ERC1: variants seen among roughly 807,000 people sequenced by gnomAD.
The protein encoded by ERC1 is RAB6 interacting protein 2.
ERC1 carries 56 observed loss-of-function variants against 132.0 expected under a neutral mutation model. The observed-to-expected ratio is 0.42, with a 90% CI of 0.34 to 0.53. The LOEUF (loss-of-function observed/expected upper bound fraction) is 0.53. Ranked by LOEUF, ERC1 falls within the 20% of genes least tolerant of loss-of-function variation. ERC1 has a pLI of 0.03. For missense variants in ERC1, 1,202 were observed against 1,349.9 expected, an observed-to-expected ratio of 0.89 and a Z score of 1.72; for synonymous variants, 478 against 476.1, an observed-to-expected ratio of 1.00 and a Z score of -0.05.
chr12:1,382,012 G>T (rs1426922988), intron 16 of ERC1, among the ~76,000 whole-genome samples: 1 of 152,118 alleles, frequency 6.6e-6, no homozygotes, highest in Non-Finnish European at 1.5e-5. Flanking sequence ...ATTCTTGTTG[G>T]TGTGATTATT....
intron 7 of ERC1, among the ~76,000 whole-genome samples, chr12:1,121,493 G>C (rs573792981): frequency 6.6e-6 from 1 of 152,336 alleles, no homozygotes; most frequent in South Asian, 2.1e-4. Flanking sequence ...CATAGCCTCA[G>C]AAAGAGATAG....
intron 15 of ERC1, among the ~76,000 whole-genome samples, chr12:1,322,657 T>G (rs911800916): frequency 6.6e-6 from 1 of 152,176 alleles, no homozygotes; most frequent in African/African-American, 2.4e-5. Flanking sequence ...CTGTTTCTTT[T>G]AGATTGACCT....
At chr12:1,446,305 A>AG (rs1440934599) in intron 18 of ERC1, among the ~76,000 whole-genome samples, 1 of 152,220 alleles carries the variant, frequency 6.6e-6, no homozygotes, top group African/African-American at 2.4e-5. Flanking sequence ...AGTGAAGGAA[A>AG]GAAAAAGTGA....
chr12:1,180,139 T>C (rs1954240516), intron 8 of ERC1, among the ~76,000 whole-genome samples: 1 of 152,182 alleles, frequency 6.6e-6, no homozygotes, highest in Admixed American at 6.5e-5. Flanking sequence ...GAAATCCCTC[T>C]TGGCATTTAC....
chr12:1,458,546 T>C (rs2154419738), intron 18 of ERC1, among the ~76,000 whole-genome samples: 1 of 151,472 alleles, frequency 6.6e-6, no homozygotes, highest in African/African-American at 2.4e-5. Context: ...TTTTTTTTTT[T>C]TTTTTGAGAT....
intron 2 of ERC1, among the ~76,000 whole-genome samples, chr12:1,061,323 G>A (rs995308144): frequency 2.2e-4 from 34 of 151,922 alleles, no homozygotes; most frequent in African/African-American, 8.0e-4. Flanking sequence ...CTGGCTGGGC[G>A]TAGTGGGCCA....
intron 11 of ERC1, among the ~76,000 whole-genome samples, chr12:1,185,150 C>A (rs1247304558): frequency 6.6e-6 from 1 of 152,044 alleles, no homozygotes; most frequent in East Asian, 1.9e-4. Context: ...ACCTCATGAT[C>A]CACCCGCCTC....
chr12:1,380,598 C>A (rs2088534950), intron 16 of ERC1: 1 of 152,224 alleles, frequency 6.6e-6, no homozygotes. Flanking sequence ...GTCCTTCCGG[C>A]AGTAGCACTA....
intron 8 of ERC1, among the ~76,000 whole-genome samples, chr12:1,142,226 T>A (rs1949920476): frequency 6.6e-6 from 1 of 152,092 alleles, no homozygotes; most frequent in South Asian, 2.1e-4. Context: ...GCAAAAAAAA[T>A]GTGTGTGTGT....
chr12:1,225,493 C>T (rs1024648810), intron 12 of ERC1, among the ~76,000 whole-genome samples: 1 of 150,008 alleles, frequency 6.7e-6, no homozygotes, highest in African/African-American at 2.4e-5. Context: ...CACACACACA[C>T]GGAGTGGTTG....
At chr12:1,275,282 G>A (rs2078185642) in intron 14 of ERC1, among the ~76,000 whole-genome samples, 1 of 152,176 alleles carries the variant, frequency 6.6e-6, no homozygotes, top group Non-Finnish European at 1.5e-5. Flanking sequence ...GAGGTCAGGA[G>A]TTTGAGACCA....
chr12:1,185,837 T>C (rs1955032637), intron 11 of ERC1, among the ~76,000 whole-genome samples: 1 of 152,154 alleles, frequency 6.6e-6, no homozygotes, highest in South Asian at 2.1e-4. Flanking sequence ...TTTCTGCTGC[T>C]TTTACCTTGT....
intron 15 of ERC1, among the ~76,000 whole-genome samples, chr12:1,318,966 C>T (rs1439419241): frequency 6.6e-6 from 1 of 151,960 alleles, no homozygotes; most frequent in African/African-American, 2.4e-5. Flanking sequence ...ATTCTCAGCT[C>T]TTTGTAATTT....
chr12:1,156,617 G>C (rs921636536), intron 8 of ERC1, among the ~76,000 whole-genome samples: 2 of 152,098 alleles, frequency 1.3e-5, no homozygotes, highest in Admixed American at 6.5e-5. Context: ...GTAAAATGTC[G>C]ATAGCTGTTT....
intron 12 of ERC1, among the ~76,000 whole-genome samples, chr12:1,219,648 T>C (rs1383203142): frequency 6.6e-6 from 1 of 151,456 alleles, no homozygotes; most frequent in African/African-American, 2.4e-5. Context: ...TTTTTTTTTT[T>C]CTTTTTTGAG....
At chr12:1,289,809 T>A in intron 14 of ERC1, 43 bp from the exon 15 acceptor site, 1 of 1,562,616 alleles carries the variant, frequency 6.4e-7, no homozygotes, top group Non-Finnish European at 8.8e-7. Flanking sequence ...TGACTCTGAT[T>A]GATCAAGACA....
chr12:1,490,495 A>G lies in ERC1; in HGVS notation c.*265A>G. On this transcript the variant is annotated 3_prime_UTR_variant, in exon 19 of 19. Coordinates refer to ENST00000360905, the MANE Select transcript of ERC1 (RefSeq NM_178040.4). ...CTCTCTGAAGAACTGCCACCTGGTCATCAGCAGTGGAGAACTGTGGGAGCT... is the reference window on the plus strand; with the variant it reads ...CTCTCTGAAGAACTGCCACCTGGTCGTCAGCAGTGGAGAACTGTGGGAGCT... 1 of 416,998 alleles carries G rather than the reference A, an allele frequency of 2.4e-6. No homozygotes were observed. The highest frequency in any genetic ancestry group is 3.6e-5 in the East Asian group (1 of 28,068). 25.8% of individuals were successfully genotyped at this position (416,998 alleles called of 1,614,324 possible).
At chr12:1,075,275 A>T (rs1418918948) in intron 2 of ERC1, among the ~76,000 whole-genome samples, 2 of 152,196 alleles carry the variant, frequency 1.3e-5, no homozygotes, top group Non-Finnish European at 2.9e-5. Flanking sequence ...AACTATTAAT[A>T]GCCTACTGTT....
Position 1,269,461 on chromosome 12 carries a change from G to A in ERC1, c.2619+6296G>A, listed in dbSNP as rs1004393789. Among the ~76,000 whole-genome samples, 5 of 152,212 alleles carry A rather than the reference G, an allele frequency of 3.3e-5. No homozygotes were observed. In the East Asian group the frequency reaches 5.8e-4, roughly 18 times the overall value. ...TCTAAGGAAGACTAATATGACTGGC[G>A]GGCAAGAACAGTGCAAGCTATGCAG... On this transcript the variant is annotated intron_variant, in intron 14 of 18. Transcript: ENST00000360905.
Sources: allele counts gnomAD v4.1 joint callset (sites outside exome capture counted in the v4.1 genomes callset), GRCh38; gene constraint gnomAD v4.1.1; transcripts MANE v1.5; gene names NCBI Gene and HGNC (gene_info 2026-07-23, HGNC 2026-07-21).